The following HMGCLL1 variants were observed in gnomAD, a reference collection of about 807,000 sequenced individuals.
HMGCLL1 encodes 3-hydroxymethyl-3-methylglutaryl-CoA lyase, cytoplasmic.
HMGCLL1 carries 36 observed loss-of-function variants against 39.1 expected under a neutral mutation model. That is an observed-to-expected ratio of 0.92 (90% CI 0.71 to 1.22). The LOEUF is 1.22. HMGCLL1 is among the 50% of genes most tolerant of loss of function. HMGCLL1 has a pLI of 0.00. For missense variants in HMGCLL1, 451 were observed against 416.5 expected (o/e 1.08, Z -0.72); for synonymous variants, 149 against 144.0 (o/e 1.03, Z -0.25).
the HMGCLL1 span, among the ~76,000 whole-genome samples, chr6:55,639,677 T>A: frequency 6.6e-6 from 1 of 152,082 alleles, no homozygotes; most frequent in African/African-American, 2.4e-5. Context: ...AATAATCACA[T>A]AAATGTTCTC....
the HMGCLL1 span, among the ~76,000 whole-genome samples, chr6:55,650,074 TATACACACACATATAC>T: frequency 4.6e-5 from 5 of 108,504 alleles, no homozygotes; most frequent in East Asian, 4.7e-4. Context: ...TATATATATA[TATACACACACATATAC>T]ATATATATAT....
chr6:55,583,806 G>A (rs1438032371), upstream of HMGCLL1, among the ~76,000 whole-genome samples: 2 of 152,056 alleles, frequency 1.3e-5, no homozygotes, highest in African/African-American at 4.8e-5. Context: ...TTAATTTGGT[G>A]GTGCTGAGAT....
At chr6:55,487,561 C>T (rs559697425) in intron 7 of HMGCLL1, among the ~76,000 whole-genome samples, 3 of 151,914 alleles carry the variant, frequency 2.0e-5, no homozygotes, top group East Asian at 1.9e-4. Context: ...GTTTTCTGGT[C>T]GTGTGATAGT....
At chr6:55,519,542 T>C (rs1767927695) in intron 3 of HMGCLL1, among the ~76,000 whole-genome samples, 2 of 152,100 alleles carry the variant, frequency 1.3e-5, no homozygotes. Flanking sequence ...TTTTCTAACA[T>C]GCACACACAA....
chr6:55,570,078 T>A (rs2127475476), intron 1 of HMGCLL1, among the ~76,000 whole-genome samples: 1 of 152,342 alleles, frequency 6.6e-6, no homozygotes, highest in Admixed American at 6.5e-5. Flanking sequence ...TCAAGACTAC[T>A]GAGATTTACT....
intron 7 of HMGCLL1, among the ~76,000 whole-genome samples, chr6:55,457,735 A>G (rs1764386436): frequency 6.6e-6 from 1 of 151,876 alleles, no homozygotes; most frequent in African/African-American, 2.4e-5. Flanking sequence ...AGTCGGCTAT[A>G]TCAAAAGTCA....
the HMGCLL1 span, among the ~76,000 whole-genome samples, chr6:55,651,265 A>G: frequency 6.6e-6 from 1 of 152,018 alleles, no homozygotes; most frequent in Non-Finnish European, 1.5e-5. Context: ...TCTTGCCAAA[A>G]CTACATCAGC....
chr6:55,615,218 C>T, the HMGCLL1 span, among the ~76,000 whole-genome samples: 1 of 152,112 alleles, frequency 6.6e-6, no homozygotes, highest in Middle Eastern at 3.4e-3. Flanking sequence ...ATGTCTACTT[C>T]CACCACTCAC....
chr6:55,514,021 A>G, intron 5 of HMGCLL1, 27 bp downstream of exon 5: 1 of 1,601,086 alleles, frequency 6.2e-7, no homozygotes, highest in African/African-American at 1.3e-5. Context: ...CATTAACAAA[A>G]CAGAATTTGT....
the HMGCLL1 span, among the ~76,000 whole-genome samples, chr6:55,656,004 G>A: frequency 6.6e-6 from 1 of 151,788 alleles, no homozygotes; most frequent in Non-Finnish European, 1.5e-5. Flanking sequence ...ATATTCTCTT[G>A]ATTTCCTTTC....
rs533480435 is a variant in HMGCLL1, at chr6:55,446,978, A to G, written c.796-7419T>C. 2.6e-5 allele frequency among the ~76,000 whole-genome samples: 4 copies of G among 152,150 alleles called. No homozygotes were observed. The South Asian group carries it at 8.3e-4, about 31-fold the overall frequency. ...GATTTAATTTAAAATAAAATTTCTG[A>G]AAGTGAAAATTATTCATTTTAACAT... On this transcript the variant is annotated intron_variant, in intron 7 of 8. Transcript: ENST00000274901.
rs191600486 is a variant in HMGCLL1 at position 55,477,255 on chromosome 6, A to T, written c.795+18164T>A. On this transcript the variant is annotated intron_variant, in intron 7 of 8. Transcript: ENST00000274901. ...ATATATTATATTTATATAATATATA[A>T]TATATATTATATAATATATATTATA... 2.1e-3 allele frequency among the ~76,000 whole-genome samples: 43 copies of T among 20,862 alleles called. 1 individual carries two copies. The highest frequency in any genetic ancestry group is 0.011 in the African/African-American group (28 of 2,472). 13.7% of individuals were successfully genotyped at this position (20,862 alleles called of 152,430 possible).
chr6:55,642,403 GATTAACAATAAT>G, the HMGCLL1 span, among the ~76,000 whole-genome samples: 1 of 151,894 alleles, frequency 6.6e-6, no homozygotes, highest in Non-Finnish European at 1.5e-5. Context: ...TTAATGGACT[GATTAACAATAAT>G]ATAAAATTAT....
the HMGCLL1 span, among the ~76,000 whole-genome samples, chr6:55,648,167 CATTGT>C: frequency 7.1e-6 from 1 of 140,696 alleles, no homozygotes; most frequent in South Asian, 2.3e-4. Flanking sequence ...TCCAGTCTAT[CATTGT>C]TGGACATTTG....
chr6:55,522,972 A>T (rs1364554723), intron 3 of HMGCLL1, among the ~76,000 whole-genome samples: 1 of 152,016 alleles, frequency 6.6e-6, no homozygotes, highest in Non-Finnish European at 1.5e-5. Context: ...AAATACAAAG[A>T]TATTTTTACA....
At chr6:55,661,422 C>G in the HMGCLL1 span, among the ~76,000 whole-genome samples, 1 of 151,890 alleles carries the variant, frequency 6.6e-6, no homozygotes, top group African/African-American at 2.4e-5. Flanking sequence ...CAGTTTCAGT[C>G]TTCTGCCTAT....
At chr6:55,519,119 T>C (rs1767898477) in intron 3 of HMGCLL1, among the ~76,000 whole-genome samples, 1 of 152,102 alleles carries the variant, frequency 6.6e-6, no homozygotes. Flanking sequence ...TTCACGTTAG[T>C]ATAAAGATTC....
chr6:55,515,556 T>C (rs1028301883), intron 4 of HMGCLL1, among the ~76,000 whole-genome samples: 1 of 152,072 alleles, frequency 6.6e-6, no homozygotes, highest in African/African-American at 2.4e-5. Flanking sequence ...GGAGTAAAAG[T>C]TCTGGAGTCA....
upstream of HMGCLL1, among the ~76,000 whole-genome samples, chr6:55,580,225 G>C (rs769329399): frequency 1.3e-5 from 2 of 151,774 alleles, no homozygotes; most frequent in South Asian, 4.1e-4. Context: ...GGTTTGGGGG[G>C]TGGGCAGTGA....
Sources: allele counts gnomAD v4.1 joint callset (sites outside exome capture counted in the v4.1 genomes callset), GRCh38; gene constraint gnomAD v4.1.1; transcripts MANE v1.5; gene names NCBI Gene and HGNC (gene_info 2026-07-23, HGNC 2026-07-21).